Variants in GRIP1 observed in about 807,000 individuals in gnomAD.
GRIP1 encodes the protein glutamate receptor interacting protein 1, also known as glutamate receptor-interacting protein 1.
GRIP1 carries 45 observed loss-of-function variants against 129.9 expected under a neutral mutation model. The ratio of observed to expected loss-of-function variants is 0.35; its 90% CI spans 0.27 to 0.44. GRIP1 has a LOEUF of 0.44. GRIP1 is among the 20% of genes least tolerant of loss of function. The pLI, the probability that GRIP1 is intolerant of heterozygous loss-of-function variation, is 1.00. For synonymous variants in GRIP1, 530 were observed against 520.8 expected (o/e 1.02, Z -0.24); for missense variants, 1,196 against 1,396.8 (o/e 0.86, Z 2.29).
intron 1 of GRIP1, among the ~76,000 whole-genome samples, chr12:66,898,102 A>G (rs778774975): frequency 6.6e-5 from 10 of 152,188 alleles, no homozygotes; most frequent in African/African-American, 2.2e-4. Context: ...TCCCCAAAAA[A>G]TCTACAAAGT....
chr12:67,018,054 C>T (rs1001070492), intron 1 of GRIP1, among the ~76,000 whole-genome samples: 5 of 152,204 alleles, frequency 3.3e-5, no homozygotes, highest in African/African-American at 9.6e-5. Flanking sequence ...TAAGTTTGGC[C>T]GAGGTGTGGT....
chr12:66,674,545 AGACGTCACCT>A (rs1212667803), intron 1 of GRIP1, among the ~76,000 whole-genome samples: 1 of 152,364 alleles, frequency 6.6e-6, no homozygotes, highest in African/African-American at 2.4e-5. Context: ...AAAGGGATTT[AGACGTCACCT>A]GAGTAATCCA....
rs373497251 is a variant in GRIP1, at chr12:66,908,159, T to TGTA, written c.58+160890_58+160891insTAC. Among the ~76,000 whole-genome samples the TGTA allele has an allele frequency of 1.4e-4, 22 of 152,326 alleles. 1 individual carries two copies. Among genetic ancestry groups the TGTA allele is most frequent in the African/African-American group, 5.1e-4 (21 of 41,576 alleles). On this transcript the variant is annotated intron_variant, in intron 1 of 1. Transcript: ENST00000643019. ...GATTTCCATTTTTATGGCTTCTAAA[T>TGTA]GTCCTAGTCTTGGCCGAAAATACAG...
At chr12:66,937,324 T>A (rs2041502834) in intron 1 of GRIP1, among the ~76,000 whole-genome samples, 1 of 152,238 alleles carries the variant, frequency 6.6e-6, no homozygotes, top group Admixed American at 6.5e-5. Context: ...ATACTACATG[T>A]GACAATGGCT....
chr12:67,035,272 T>C (rs948521934), intron 1 of GRIP1, among the ~76,000 whole-genome samples: 4 of 152,174 alleles, frequency 2.6e-5, no homozygotes, highest in African/African-American at 4.8e-5. Context: ...CTCTTTTATC[T>C]GAGGATATCC....
At chr12:66,956,392 G>T (rs1346557596) in intron 1 of GRIP1, among the ~76,000 whole-genome samples, 1 of 152,156 alleles carries the variant, frequency 6.6e-6, no homozygotes, top group Non-Finnish European at 1.5e-5. Flanking sequence ...ACCAGGAGTA[G>T]ATGATATCAG....
At chr12:66,749,415 C>G (rs1004195256) in intron 1 of GRIP1, among the ~76,000 whole-genome samples, 5 of 152,142 alleles carry the variant, frequency 3.3e-5, no homozygotes, top group African/African-American at 1.2e-4. Context: ...CAGCTGTGTA[C>G]CATGCAATGG....
chr12:66,466,554 G>C (rs754983648), intron 7 of GRIP1, among the ~76,000 whole-genome samples: 2 of 151,810 alleles, frequency 1.3e-5, no homozygotes, highest in Non-Finnish European at 2.9e-5. Flanking sequence ...GACAAGACTA[G>C]TTACTAAAAC....
chr12:66,372,675 C>A (rs945342215), intron 22 of GRIP1, among the ~76,000 whole-genome samples: 9 of 151,538 alleles, frequency 5.9e-5, no homozygotes, highest in African/African-American at 2.2e-4. Flanking sequence ...GAAGTTTGTT[C>A]GGTTTCAAAT....
At chr12:66,840,742 T>C (rs1172036004) in intron 1 of GRIP1, among the ~76,000 whole-genome samples, 1 of 152,202 alleles carries the variant, frequency 6.6e-6, no homozygotes, top group African/African-American at 2.4e-5. Context: ...CCAAACTCTC[T>C]AACTGGTCAT....
At chr12:66,411,541 G>C (rs899443005) in intron 15 of GRIP1, among the ~76,000 whole-genome samples, 3 of 152,182 alleles carry the variant, frequency 2.0e-5, no homozygotes, top group Non-Finnish European at 4.4e-5. Context: ...ACTTAAAACT[G>C]CTGAAAACTC....
At chr12:66,915,370 T>C (rs1299853011) in intron 1 of GRIP1, among the ~76,000 whole-genome samples, 1 of 152,146 alleles carries the variant, frequency 6.6e-6, no homozygotes, top group East Asian at 1.9e-4. Flanking sequence ...GGGGTGGTAG[T>C]GGAAAAGACT....
chr12:66,564,077 C>G (rs964213162), intron 2 of GRIP1: 5 of 134,978 alleles, frequency 3.7e-5, no homozygotes, highest in African/African-American at 1.5e-4. Flanking sequence ...TGGGTTTCTT[C>G]TCTGTCTTTT....
At chr12:66,950,168 C>G (rs2041734765) in intron 1 of GRIP1, among the ~76,000 whole-genome samples, 1 of 152,162 alleles carries the variant, frequency 6.6e-6, no homozygotes, top group African/African-American at 2.4e-5. Context: ...ATCTCCCTGA[C>G]TTATAGACTG....
In GRIP1 at chr12:66,443,422, C is replaced by T. The variant is rs1435323660; in HGVS notation, c.1687+1162G>A. On this transcript the variant is annotated intron_variant, in intron 13 of 24. Coordinates refer to ENST00000359742, the MANE Select transcript of GRIP1 (RefSeq NM_001366722.1). Reference sequence around the variant, plus strand: ...GTTGTGTTCAATCTCCCTCCCCTACCGCAATATTTTTTTTTTCTTTTCTCT... The same window carrying T: ...GTTGTGTTCAATCTCCCTCCCCTACTGCAATATTTTTTTTTTCTTTTCTCT... Among the ~76,000 whole-genome samples the T allele has an allele frequency of 4.0e-5, 6 of 151,680 alleles. No homozygotes were observed. The East Asian group carries it at 9.7e-4, about 24-fold the overall frequency.
intron 1 of GRIP1, among the ~76,000 whole-genome samples, chr12:66,845,277 TAA>T (rs1334505496): frequency 6.6e-6 from 1 of 152,006 alleles, no homozygotes; most frequent in Non-Finnish European, 1.5e-5. Flanking sequence ...GCCAACATGG[TAA>T]AACCCCAACT....
chr12:66,862,714 A>G (rs2040133808), intron 1 of GRIP1, among the ~76,000 whole-genome samples: 1 of 151,992 alleles, frequency 6.6e-6, no homozygotes, highest in Non-Finnish European at 1.5e-5. Context: ...TCCCTCCCCA[A>G]CAGAGCTTTA....
chr12:66,406,771 T>C (rs2057207034), intron 15 of GRIP1, among the ~76,000 whole-genome samples: 1 of 152,228 alleles, frequency 6.6e-6, no homozygotes, highest in Non-Finnish European at 1.5e-5. Context: ...CATATTGTTG[T>C]ATTACTTTTG....
chr12:66,461,515 G>A (rs2059136524), intron 9 of GRIP1, among the ~76,000 whole-genome samples: 1 of 152,214 alleles, frequency 6.6e-6, no homozygotes, highest in South Asian at 2.1e-4. Flanking sequence ...CCTTCCTACA[G>A]CTGTTTGCAT....
Sources: allele counts gnomAD v4.1 joint callset (sites outside exome capture counted in the v4.1 genomes callset), GRCh38; gene constraint gnomAD v4.1.1; transcripts MANE v1.5; gene names NCBI Gene and HGNC (gene_info 2026-07-23, HGNC 2026-07-21).